The following UBR3 variants were observed in gnomAD, a reference collection of about 807,000 sequenced individuals.
The protein encoded by UBR3 is E3 ubiquitin-protein ligase UBR3.
Under a neutral mutation model 243.2 loss-of-function variants are expected in UBR3, and 85 were observed. That is an observed-to-expected ratio of 0.35 (90% confidence interval 0.29 to 0.42). The LOEUF (loss-of-function observed/expected upper bound fraction) is 0.42. Ranked by LOEUF, UBR3 falls within the 10% of genes least tolerant of loss-of-function variation. The pLI is 1.00. For synonymous variants in UBR3, 748 were observed against 799.8 expected (o/e 0.94, Z 1.09); for missense variants, 1,686 against 2,300.8 (o/e 0.73, Z 5.47).
chr2:169,959,849 A>G (rs569856365), intron 24 of UBR3, among the ~76,000 whole-genome samples: 7 of 152,294 alleles, frequency 4.6e-5, no homozygotes, highest in African/African-American at 7.2e-5. Context: ...AGGTTTTCCA[A>G]CTGGTTGGCA....
chr2:169,841,256 G>A (rs955800379), intron 1 of UBR3, among the ~76,000 whole-genome samples: 2 of 152,180 alleles, frequency 1.3e-5, no homozygotes, highest in African/African-American at 4.8e-5. Context: ...GCCAAGAGAA[G>A]CCATGCAGTA....
chr2:170,040,687 TG>T (rs1252641846), intron 31 of UBR3, among the ~76,000 whole-genome samples, 194 bp from the exon 32 acceptor site: 4 of 152,214 alleles, frequency 2.6e-5, no homozygotes, highest in African/African-American at 9.6e-5. Context: ...ATTTTCTTCA[TG>T]TTAGAGTCAA....
At chr2:169,844,000 C>T (rs762943453) in intron 1 of UBR3, among the ~76,000 whole-genome samples, 3 of 142,066 alleles carry the variant, frequency 2.1e-5, no homozygotes, top group Admixed American at 7.5e-5. Context: ...TTTCTTTTTT[C>T]TCTTTACTTT....
intron 20 of UBR3, among the ~76,000 whole-genome samples, chr2:169,945,006 A>T (rs1293746698): frequency 6.6e-6 from 1 of 152,080 alleles, no homozygotes; most frequent in Non-Finnish European, 1.5e-5. Flanking sequence ...TCTGCTCCTC[A>T]CATCATTGGC....
At chr2:169,984,284 G>T (rs1057287043) in intron 24 of UBR3, among the ~76,000 whole-genome samples, 70 of 152,156 alleles carry the variant, frequency 4.6e-4, no homozygotes, top group Middle Eastern at 3.4e-3. Context: ...GCATGTTTCA[G>T]GATTTTAGAG....
chr2:170,010,733 GCAGCAAAA>G (rs886255679), intron 29 of UBR3, among the ~76,000 whole-genome samples: 2 of 152,112 alleles, frequency 1.3e-5, no homozygotes, highest in African/African-American at 4.8e-5. Context: ...AAATTCTAAA[GCAGCAAAA>G]CAATAATTCT....
Position 169,994,411 on chromosome 2 carries a change from C to A in UBR3, c.3873C>A (p.Ala1291=), listed in dbSNP as rs760876539. ...TTTACCCTTGGGATACCTGTGCAGC[C>A]GTTCATGATGTGAGGCTTTCATTAT... is the stretch of plus-strand genomic sequence containing the variant. The part of the protein sequence containing the change: ...EQIYPWDTCA[A]VHDVRLSLLQ... The change falls in exon 26 of 39, where the codon GCC becomes GCA. Residue 1291 remains alanine, a synonymous_variant. Transcript: ENST00000272793. The A allele has an allele frequency of 2.4e-5, 38 of 1,614,062 alleles. No homozygotes were observed. Among genetic ancestry groups the A allele is most frequent in the Non-Finnish European group, 3.1e-5 (37 of 1,180,016 alleles).
At chr2:170,058,938 A>G (rs1280227559) in intron 33 of UBR3, among the ~76,000 whole-genome samples, 1 of 152,174 alleles carries the variant, frequency 6.6e-6, no homozygotes, top group African/African-American at 2.4e-5. Flanking sequence ...TAATTTAGAC[A>G]AAGTATTCTA....
chr2:170,045,025 G>A (rs574047093), intron 32 of UBR3, among the ~76,000 whole-genome samples: 3 of 152,050 alleles, frequency 2.0e-5, no homozygotes, highest in Non-Finnish European at 4.4e-5. Context: ...CCTTTATAGG[G>A]AGTGTATTAG....
Position 170,082,958 on chromosome 2 carries a change from A to T in UBR3, c.*1115A>T, listed in dbSNP as rs1326022601. On this transcript the variant is annotated 3_prime_UTR_variant, in exon 39 of 39. Coordinates refer to ENST00000272793, the MANE Select transcript of UBR3 (RefSeq NM_172070.4). The stretch of plus-strand genomic sequence containing the variant: ...TTTGCAGGGTTTAAAAATCAGTAAA[A>T]ATGGGAATGATTGAGCTAAAACCCA... 5.9e-5 allele frequency: 9 copies of T among 152,596 alleles called. No homozygotes were observed. Among genetic ancestry groups the T allele is most frequent in the Admixed American group, 5.2e-4 (8 of 15,280 alleles). 9.5% of individuals were successfully genotyped at this position (152,596 alleles called of 1,614,324 possible).
chr2:169,876,409 A>C (rs913940682), intron 3 of UBR3, among the ~76,000 whole-genome samples: 6 of 152,306 alleles, frequency 3.9e-5, no homozygotes, highest in African/African-American at 1.4e-4. Context: ...GGATGAGGAA[A>C]TTGAGCCCTA....
intron 6 of UBR3, among the ~76,000 whole-genome samples, chr2:169,892,601 T>A (rs1482708491): frequency 6.6e-6 from 1 of 152,220 alleles, no homozygotes; most frequent in Non-Finnish European, 1.5e-5. Flanking sequence ...TCAGTTACCA[T>A]TTTCAGTTTA....
chr2:169,831,896 G>A (rs1273870864), intron 1 of UBR3, among the ~76,000 whole-genome samples: 1 of 152,176 alleles, frequency 6.6e-6, no homozygotes, highest in Admixed American at 6.6e-5. Flanking sequence ...CCATAAGTTT[G>A]TAAATTTCAT....
intron 1 of UBR3, among the ~76,000 whole-genome samples, chr2:169,833,210 G>C (rs996845498): frequency 2.0e-5 from 3 of 152,188 alleles, no homozygotes; most frequent in African/African-American, 7.2e-5. Flanking sequence ...GTTCAAACTA[G>C]TGTTGTTCAA....
chr2:170,060,483 T>A (rs2091435442), intron 33 of UBR3, among the ~76,000 whole-genome samples: 1 of 152,114 alleles, frequency 6.6e-6, no homozygotes, highest in Non-Finnish European at 1.5e-5. Context: ...AAATTGTAAA[T>A]GAAAAAAATT....
chr2:169,975,255 T>G (rs1391927206), intron 24 of UBR3, among the ~76,000 whole-genome samples: 2 of 152,232 alleles, frequency 1.3e-5, no homozygotes, highest in Non-Finnish European at 2.9e-5. Context: ...TCCATGTATT[T>G]GTACAGTTTC....
chr2:169,928,715 C>CAT lies in UBR3; in HGVS notation c.2425-5_2425-4dup. 6 of 1,460,892 alleles carry CAT rather than the reference C, an allele frequency of 4.1e-6. No homozygotes were observed. The highest frequency in any genetic ancestry group is 5.5e-6 in the Non-Finnish European group (6 of 1,087,786). The allele number at this position is 1,460,892 out of a possible 1,614,324, so 90.5% of individuals were successfully genotyped here. A position where few individuals can be genotyped will look rare whatever the true frequency, so the allele number is the denominator to read the frequency against. On this transcript the variant is annotated splice_polypyrimidine_tract_variant and intron_variant, in intron 17 of 38. Coordinates refer to ENST00000272793, the MANE Select transcript of UBR3 (RefSeq NM_172070.4). ...TTTGTTACTAATATTTTTTTCTTGA[C>CAT]ATATATATCATATTCCAGAAAATCC...
chr2:169,986,693 A>T lies in UBR3; in HGVS notation c.3683A>T (p.Gln1228Leu), dbSNP rs2089019287. 1 of 1,613,628 alleles carries T rather than the reference A, an allele frequency of 6.2e-7. No individual in the cohort carries two copies. Among genetic ancestry groups the T allele is most frequent in the African/African-American group, 1.3e-5 (1 of 74,914 alleles). ...ATGGAGATCACCACGGCAGAACCAC[A>T]GGTTTCCGAGGCAGTATATGACTGT... ...IPMEITTAEP[Q>L]VSEAVYDCVI... Residue 1228 changes from glutamine (Q) to leucine (L), a missense_variant, in exon 25 of 39, where the codon CAG (glutamine) becomes CTG (leucine). This residue lies in a region of UBR3 where 156 missense variants were observed against 246.3 expected (regional missense o/e 0.63). Transcript: ENST00000272793.
At chr2:170,063,080 G>T (rs183530191) in intron 35 of UBR3, among the ~76,000 whole-genome samples, 178 of 152,274 alleles carry the variant, frequency 1.2e-3, no homozygotes, top group Admixed American at 2.5e-3. Flanking sequence ...GACAGATTGT[G>T]AAGAATAGAC....
Sources: gnomAD v4.1 joint callset for allele counts (sites outside exome capture counted in the v4.1 genomes callset) on GRCh38, gnomAD v4.1.1 for gene constraint, gnomAD v4.1.1 regional missense constraint, MANE v1.5 for transcripts, NCBI Gene and HGNC (gene_info 2026-07-23, HGNC 2026-07-21) for gene names.